The following PCDHA9 variants were observed in gnomAD, a reference collection of about 807,000 sequenced individuals.
PCDHA9 encodes the protein protocadherin alpha 9, also known as protocadherin alpha-9.
Under a neutral mutation model 62.0 loss-of-function variants are expected in PCDHA9, and 62 were observed. That is an observed-to-expected ratio of 1.00 (90% CI 0.81 to 1.23). PCDHA9 has a LOEUF of 1.23. Ranked by LOEUF, PCDHA9 falls within the 50% of genes most tolerant of loss-of-function variation. The pLI is 0.00. For synonymous variants in PCDHA9, 557 were observed against 567.6 expected (o/e 0.98, Z 0.27); for missense variants, 1,205 against 1,249.8 (o/e 0.96, Z 0.54).
intron 1 of PCDHA9, chr5:140,929,180 G>C (rs782260576): frequency 2.7e-5 from 44 of 1,614,150 alleles, no homozygotes; most frequent in Non-Finnish European, 3.7e-5. Flanking sequence ...CTGGGACTTG[G>C]TTCTGATAAT....
At chr5:140,883,202 G>T in intron 1 of PCDHA9, 1 of 1,613,916 alleles carries the variant, frequency 6.2e-7, no homozygotes, top group Non-Finnish European at 8.5e-7. Context: ...AGATTTCGAA[G>T]AAAAGAAATT....
chr5:140,886,927 G>T (rs1191029252), intron 1 of PCDHA9, among the ~76,000 whole-genome samples: 1 of 151,236 alleles, frequency 6.6e-6, no homozygotes, highest in Non-Finnish European at 1.5e-5. Flanking sequence ...TTCTCTATGT[G>T]CCAGGCATGT....
intron 1 of PCDHA9, chr5:140,862,740 G>T (rs1302893031): frequency 8.7e-6 from 5 of 577,654 alleles, no homozygotes; most frequent in Non-Finnish European, 1.7e-5. Flanking sequence ...GCTATGTGTG[G>T]GTGCACGCGG....
chr5:140,882,510 A>G (rs1276139359), intron 1 of PCDHA9: 1 of 1,614,046 alleles, frequency 6.2e-7, no homozygotes, highest in East Asian at 2.2e-5. Context: ...AATCTGCAGA[A>G]TGGCATTTTG....
intron 1 of PCDHA9, chr5:140,870,813 C>A: frequency 3.7e-6 from 6 of 1,613,700 alleles, no homozygotes; most frequent in Non-Finnish European, 5.1e-6. Context: ...CTCAGGCTGG[C>A]AGCGCGGGAG....
At chr5:141,009,150 G>T (rs1588228136) in intron 3 of PCDHA9, among the ~76,000 whole-genome samples, 1 of 152,300 alleles carries the variant, frequency 6.6e-6, no homozygotes, top group African/African-American at 2.4e-5. Context: ...CTGCCCTCTT[G>T]CTTGTCTGTA....
At chr5:140,989,894 T>C (rs907697062) in intron 3 of PCDHA9, among the ~76,000 whole-genome samples, 7 of 151,812 alleles carry the variant, frequency 4.6e-5, no homozygotes, top group Admixed American at 3.3e-4. Context: ...GTCTCCGTTA[T>C]TCACAATCAG....
chr5:140,926,679 C>T (rs1348629347), intron 1 of PCDHA9: 26 of 638,064 alleles, frequency 4.1e-5, no homozygotes, highest in Middle Eastern at 4.4e-4. Context: ...GCCCAGCCTC[C>T]AGCCTAGCAA....
In PCDHA9 at chr5:140,855,086, A is replaced by G. The variant is rs998686310; in HGVS notation, c.2394+4197A>G. ...CTTAAATACAGAAACCACCACTCTCAGCCTGTGCAGTAGCAATAATTAAGG... is the reference window on the plus strand; with the variant it reads ...CTTAAATACAGAAACCACCACTCTCGGCCTGTGCAGTAGCAATAATTAAGG... On this transcript the variant is annotated intron_variant, in intron 1 of 3. Transcript: ENST00000532602. Among the ~76,000 whole-genome samples the G allele has an allele frequency of 3.5e-4, 52 of 150,018 alleles. 3 individuals are homozygous for G. Among genetic ancestry groups the G allele is most frequent in the African/African-American group, 1.2e-3 (49 of 41,006 alleles).
intron 1 of PCDHA9, among the ~76,000 whole-genome samples, chr5:140,958,752 T>A (rs1423879082): frequency 6.6e-6 from 1 of 152,166 alleles, no homozygotes; most frequent in Non-Finnish European, 1.5e-5. Context: ...AAAGGAGATT[T>A]TTACCCATTT....
intron 1 of PCDHA9, among the ~76,000 whole-genome samples, chr5:140,951,423 C>T (rs1324305371): frequency 6.6e-6 from 1 of 152,014 alleles, no homozygotes; most frequent in Non-Finnish European, 1.5e-5. Flanking sequence ...CTCACAGTTC[C>T]ACAGGCTGTA....
At chr5:140,886,923 A>G (rs2061226884) in intron 1 of PCDHA9, among the ~76,000 whole-genome samples, 1 of 151,812 alleles carries the variant, frequency 6.6e-6, no homozygotes, top group Non-Finnish European at 1.5e-5. Context: ...AGTGTTCTCT[A>G]TGTGCCAGGC....
At chr5:140,870,333 C>A in intron 1 of PCDHA9, 1 of 1,614,164 alleles carries the variant, frequency 6.2e-7, no homozygotes, top group Non-Finnish European at 8.5e-7. Flanking sequence ...TGCTGGACAG[C>A]GCCCTGGACC....
At chr5:140,857,858 G>A in intron 1 of PCDHA9, 3 of 1,597,854 alleles carry the variant, frequency 1.9e-6, no homozygotes, top group Non-Finnish European at 2.6e-6. Context: ...TGGATACAAC[G>A]CGTGGCTGTC....
chr5:140,857,073 A>G (rs782238591), intron 1 of PCDHA9: 1 of 1,596,904 alleles, frequency 6.3e-7, no homozygotes, highest in East Asian at 2.2e-5. Context: ...CTACTGGATG[A>G]AAATGATAAT....
intron 1 of PCDHA9, among the ~76,000 whole-genome samples, chr5:140,965,734 AT>A (rs2095929489): frequency 6.6e-6 from 1 of 152,220 alleles, no homozygotes; most frequent in Non-Finnish European, 1.5e-5. Flanking sequence ...ATTTTACCAG[AT>A]TTTCCCCATT....
rs1554144490 is a variant in PCDHA9, at chr5:140,850,541, G to C, written c.2046G>C (p.Ala682=). ...AGGCGCCAAAGTCATCGTCGCGGGC[G>C]TCAGTGGGTGCCACGGGCCCCGAGG... is the stretch of plus-strand genomic sequence containing the variant. The part of the protein sequence containing the change: ...SGQAPKSSSR[A]SVGATGPEVT... Residue 682 remains alanine (A), a synonymous_variant, in exon 1 of 4, where the codon GCG becomes GCC. Transcript: ENST00000532602. The C allele has an allele frequency of 2.5e-6, 4 of 1,598,386 alleles. 1 individual carries two copies. In the South Asian group the frequency reaches 4.4e-5, roughly 18 times the overall value.
At chr5:140,905,958 G>T (rs1554192269) in intron 1 of PCDHA9, among the ~76,000 whole-genome samples, 1 of 152,184 alleles carries the variant, frequency 6.6e-6, no homozygotes, top group Non-Finnish European at 1.5e-5. Context: ...GATGTTCAAG[G>T]GGAGGAAGAT....
At chr5:140,869,920 G>A (rs1554163605) in intron 1 of PCDHA9, 2 of 1,611,398 alleles carry the variant, frequency 1.2e-6, no homozygotes, top group Non-Finnish European at 1.7e-6. Flanking sequence ...AGACGAAGGA[G>A]TCAATGGAGA....
Sources: allele counts gnomAD v4.1 joint callset (sites outside exome capture counted in the v4.1 genomes callset), GRCh38; gene constraint gnomAD v4.1.1; transcripts MANE v1.5; gene names NCBI Gene and HGNC (gene_info 2026-07-23, HGNC 2026-07-21).